Variants in RILPL1 observed in about 807,000 individuals in gnomAD.
RILPL1 encodes RILP-like protein 1.
Under a neutral mutation model 50.3 loss-of-function variants are expected in RILPL1, and 33 were observed. That is an observed-to-expected ratio of 0.66 (90% confidence interval 0.50 to 0.88). The LOEUF is 0.88. RILPL1 is among the 40% of genes least tolerant of loss of function. The pLI is 0.00. For missense variants in RILPL1, 418 were observed against 542.5 expected (o/e 0.77, Z 2.28); for synonymous variants, 205 against 228.6 (o/e 0.90, Z 0.93).
chr12:123,520,347 T>G (rs1477635884), intron 2 of RILPL1, among the ~76,000 whole-genome samples: 1 of 152,146 alleles, frequency 6.6e-6, no homozygotes, highest in African/African-American at 2.4e-5. Context: ...TCACCTTAGG[T>G]CAGAACTTCA....
chr12:123,533,554 G>C lies in RILPL1; in HGVS notation c.-72C>G. On this transcript the variant is annotated 5_prime_UTR_variant, in exon 1 of 7. Transcript: ENST00000376874. This position sits in a 1 kb window ranked among gnomAD's most constrained non-coding sequence, Gnocchi z 6.2. ...CCAAACTTGCCGCTGTCGAGGGCCG[G>C]GCCGGCCGGGCCCAGCCTGGGCCGC... 1 of 1,318,834 alleles carries C rather than the reference G, an allele frequency of 7.6e-7. No homozygotes were observed. Among genetic ancestry groups the C allele is most frequent in the Non-Finnish European group, 9.9e-7 (1 of 1,013,270 alleles). 81.7% of individuals were successfully genotyped at this position (1,318,834 alleles called of 1,614,324 possible).
chr12:123,487,198 A>G (rs1428311957), intron 4 of RILPL1, among the ~76,000 whole-genome samples: 1 of 152,194 alleles, frequency 6.6e-6, no homozygotes, highest in Non-Finnish European at 1.5e-5. Context: ...TACCATGGAC[A>G]TTTCCCAGAA....
chr12:123,491,118 C>G lies in RILPL1; in HGVS notation c.802-5313G>C, dbSNP rs940971703. On this transcript the variant is annotated intron_variant, in intron 4 of 6. Transcript: ENST00000376874. The surrounding 1 kb of genome is among the most constrained non-coding windows in gnomAD (Gnocchi z 4.0). Reference sequence around the variant, plus strand: ...CCCTGGGCTCCAGCTTCTCGAGAGGCCACCAGGCAGTGACCGCAGGGCCAC... The same window carrying G: ...CCCTGGGCTCCAGCTTCTCGAGAGGGCACCAGGCAGTGACCGCAGGGCCAC... Among the ~76,000 whole-genome samples, 4 of 152,220 alleles carry G rather than the reference C, an allele frequency of 2.6e-5. No individual in the cohort carries two copies. Among genetic ancestry groups the G allele is most frequent in the Non-Finnish European group, 4.4e-5 (3 of 68,038 alleles).
At chr12:123,473,826 G>T (rs1332488765) in intron 6 of RILPL1, 1 of 124,280 alleles carries the variant, frequency 8.0e-6, no homozygotes, top group Non-Finnish European at 1.8e-5. Context: ...ATAGAAAAAA[G>T]AAAGAAAAAA....
At chr12:123,503,279 C>T (rs1883524379) in intron 2 of RILPL1, among the ~76,000 whole-genome samples, 1 of 144,990 alleles carries the variant, frequency 6.9e-6, no homozygotes, top group Admixed American at 7.1e-5. Flanking sequence ...CAGCTCACTG[C>T]AACCTCTGTC....
chr12:123,494,294 G>A (rs755829336), intron 4 of RILPL1, among the ~76,000 whole-genome samples: 17 of 152,300 alleles, frequency 1.1e-4, no homozygotes, highest in Non-Finnish European at 1.2e-4. Flanking sequence ...TGACTGACAG[G>A]CATCCTGAAC....
chr12:123,523,556 G>A lies in RILPL1; in HGVS notation c.399C>T (p.Leu133=). The A allele has an allele frequency of 6.2e-7, 1 of 1,613,866 alleles. No homozygotes were observed. The highest frequency in any genetic ancestry group is 8.5e-7 in the Non-Finnish European group (1 of 1,179,764). ...CATCCTTGTGGGAGAGGTTGGTCAT[G>A]AGCTGCTTGTTCTCCTCCTGCAGCT... ...IAQLQEENKQ[L]MTNLSHKDVN... is the part of the protein sequence containing the mutation. The change falls in exon 2 of 7, where the codon CTC becomes CTT. Residue 133 remains leucine, a synonymous_variant. Transcript: ENST00000376874.
At chr12:123,472,755 G>A (rs755061274) in intron 6 of RILPL1, 73 bp from the exon 7 acceptor site, 48 of 1,504,432 alleles carry the variant, frequency 3.2e-5, no homozygotes, top group African/African-American at 4.2e-5. Flanking sequence ...TTGCAATGCC[G>A]GAGACATATA....
rs528211272 is a variant in RILPL1, at chr12:123,491,210, G to A, written c.802-5405C>T. On this transcript the variant is annotated intron_variant, in intron 4 of 6. Coordinates refer to ENST00000376874, the MANE Select transcript of RILPL1 (RefSeq NM_178314.5). The surrounding 1 kb of genome is among the most constrained non-coding windows in gnomAD (Gnocchi z 4.0). Reference sequence around the variant, plus strand: ...GGAGGCTCTTTCCAAGATGGCAATCGAGCTCCATCTGCCGTGGTCCTCCTA... The same window carrying A: ...GGAGGCTCTTTCCAAGATGGCAATCAAGCTCCATCTGCCGTGGTCCTCCTA... Among the ~76,000 whole-genome samples, 44 of 152,302 alleles carry A rather than the reference G, an allele frequency of 2.9e-4. 1 individual carries two copies. The South Asian group carries it at 8.3e-3, about 29-fold the overall frequency.
intron 1 of RILPL1, among the ~76,000 whole-genome samples, chr12:123,525,717 A>AG (rs71088927): frequency 0.54 from 71,992 of 133,210 alleles, 22,355 homozygotes; most frequent in East Asian, 0.87. Flanking sequence ...AAAAAAAAAA[A>AG]AAAAAAAGAA....
At position 123,511,300 on chromosome 12, in the gene RILPL1, G is replaced by A. The variant is rs534996728; in HGVS notation, c.461-11764C>T. Among the ~76,000 whole-genome samples, 251 of 106,782 alleles carry A rather than the reference G, an allele frequency of 2.4e-3. 2 individuals carry two copies. The highest frequency in any genetic ancestry group is 0.013 in the African/African-American group (229 of 17,394). The allele number at this position is 106,782 out of a possible 152,430, so 70.1% of individuals were successfully genotyped here. ...GTGCAGTGTGAGTGTATGTCTGTGC[G>A]GTGGCATCTGTGTGTGTGGTGTGTG... On this transcript the variant is annotated intron_variant, in intron 2 of 6. Transcript: ENST00000376874.
At chr12:123,508,127 C>G (rs193015310) in intron 2 of RILPL1, among the ~76,000 whole-genome samples, 1 of 151,280 alleles carries the variant, frequency 6.6e-6, no homozygotes, top group East Asian at 2.0e-4. Context: ...GGCATGGTGG[C>G]GCATGCCTGT....
In RILPL1 at chr12:123,485,908, C is replaced by G; in HGVS notation, c.802-103G>C. On this transcript the variant is annotated intron_variant, in intron 4 of 6. Coordinates refer to ENST00000376874, the MANE Select transcript of RILPL1 (RefSeq NM_178314.5). This position sits in a 1 kb window ranked among gnomAD's most constrained non-coding sequence, Gnocchi z 4.0. ...AATTCTCCCCCTCCCGGGGTGCCAG[C>G]AGCCTGTGGAGGGTGCTATTTTCAG... The G allele has an allele frequency of 8.1e-7, 1 of 1,233,910 alleles. No individual in the cohort carries two copies. Among genetic ancestry groups the G allele is most frequent in the Non-Finnish European group, 1.1e-6 (1 of 915,642 alleles). 76.4% of individuals were successfully genotyped at this position (1,233,910 alleles called of 1,614,324 possible). A position where few individuals can be genotyped will look rare whatever the true frequency, so the allele number is the denominator to read the frequency against.
intron 4 of RILPL1, among the ~76,000 whole-genome samples, chr12:123,497,077 G>A (rs1230740319): frequency 3.9e-5 from 6 of 152,328 alleles, no homozygotes; most frequent in South Asian, 2.1e-4. Flanking sequence ...TTCACTCCGC[G>A]TGATGTTTTT....
At chr12:123,521,682 TATAC>T (rs1160302710) in intron 2 of RILPL1, among the ~76,000 whole-genome samples, 61 of 38,174 alleles carry the variant, frequency 1.6e-3, no homozygotes, top group African/African-American at 3.0e-3. Context: ...AATATATATA[TATAC>T]ACACATATAT....
intron 6 of RILPL1, among the ~76,000 whole-genome samples, chr12:123,479,114 G>A (rs538921485): frequency 1.6e-4 from 24 of 152,186 alleles, no homozygotes; most frequent in Admixed American, 3.3e-4. Flanking sequence ...AAATGGTGGC[G>A]GGGGTGGGAG....
chr12:123,499,498 T>C lies in RILPL1; in HGVS notation c.499A>G (p.Lys167Glu). The change falls in exon 3 of 7, where the codon AAG becomes GAG. Residue 167 changes from lysine to glutamate, a missense_variant. Transcript: ENST00000376874. ...TCGCGTTGTTTGTCCACCACCTCCT[T>C]CAGCTTCTTCATCACCTGTCGCTCC... ...ERERQVMKKL[K>E]EVVDKQRDEI... The C allele has an allele frequency of 6.2e-7, 1 of 1,613,900 alleles. No homozygotes were observed. Among genetic ancestry groups the C allele is most frequent in the Non-Finnish European group, 8.5e-7 (1 of 1,179,866 alleles).
chr12:123,516,033 CAA>C (rs749657516), intron 2 of RILPL1, among the ~76,000 whole-genome samples: 167 of 36,172 alleles, frequency 4.6e-3, no homozygotes, highest in Non-Finnish European at 6.4e-3. Context: ...GACTCTGTCT[CAA>C]AAAAAAAAAA....
chr12:123,528,427 T>C (rs28375403), intron 1 of RILPL1, among the ~76,000 whole-genome samples: 1 of 102,480 alleles, frequency 9.8e-6, no homozygotes, highest in African/African-American at 2.7e-5. Context: ...TTTTTTGTTG[T>C]TGTTTGTTTT....
Sources: gnomAD v4.1 joint callset for allele counts (sites outside exome capture counted in the v4.1 genomes callset) on GRCh38, gnomAD v4.1.1 for gene constraint, Gnocchi (gnomAD v3.1) non-coding constraint, MANE v1.5 for transcripts, NCBI Gene and HGNC (gene_info 2026-07-23, HGNC 2026-07-21) for gene names.